PARVA: variants seen among roughly 807,000 people sequenced by gnomAD.
PARVA encodes the protein parvin alpha.
Under a neutral mutation model 52.6 loss-of-function variants are expected in PARVA, and 25 were observed. The observed-to-expected ratio is 0.48, with a 90% CI of 0.35 to 0.66. The LOEUF (loss-of-function observed/expected upper bound fraction) is 0.66, where lower values mean the gene tolerates loss of function less well. Among genes scored for constraint, PARVA ranks in the 30% least tolerant of loss-of-function variants. PARVA has a pLI of 0.01. For missense variants in PARVA, 373 were observed against 450.9 expected (o/e 0.83, Z 1.56); for synonymous variants, 185 against 179.1 (o/e 1.03, Z -0.26).
intron 1 of PARVA, among the ~76,000 whole-genome samples, chr11:12,393,411 A>G (rs996167892): frequency 6.6e-6 from 1 of 151,954 alleles, no homozygotes; most frequent in African/African-American, 2.4e-5. Flanking sequence ...AGCTGCTGTA[A>G]CAGATAAGCC....
intron 3 of PARVA, among the ~76,000 whole-genome samples, chr11:12,476,415 G>C (rs189019501): frequency 2.6e-5 from 4 of 151,944 alleles, no homozygotes; most frequent in Admixed American, 1.3e-4. Context: ...CCAGAAGTTC[G>C]AGGCTATAGT....
chr11:12,395,690 C>G (rs2134959308), intron 1 of PARVA, among the ~76,000 whole-genome samples: 1 of 152,338 alleles, frequency 6.6e-6, no homozygotes, highest in East Asian at 1.9e-4. Flanking sequence ...GCTAGTTCTC[C>G]TGAGTCCCAG....
chr11:12,395,665 C>A (rs61875441), intron 1 of PARVA, among the ~76,000 whole-genome samples: 43 of 152,106 alleles, frequency 2.8e-4, no homozygotes, highest in Non-Finnish European at 7.4e-5. Context: ...ATCAAAGACT[C>A]GGCCTCTTCC....
At chr11:12,518,174 C>G (rs1941594157) in intron 11 of PARVA, among the ~76,000 whole-genome samples, 4 of 152,200 alleles carry the variant, frequency 2.6e-5, no homozygotes, top group Admixed American at 1.3e-4. Flanking sequence ...CACTGACACC[C>G]CCAATTTGAA....
intron 1 of PARVA, among the ~76,000 whole-genome samples, chr11:12,386,769 C>T (rs1939577770): frequency 6.6e-6 from 1 of 152,210 alleles, no homozygotes; most frequent in African/African-American, 2.4e-5. Context: ...GTCCCTGCTG[C>T]ACTGGTATTC....
chr11:12,426,895 G>A (rs1219888049), intron 1 of PARVA, among the ~76,000 whole-genome samples: 3 of 152,222 alleles, frequency 2.0e-5, no homozygotes, highest in Non-Finnish European at 4.4e-5. Context: ...TGTGACTGGA[G>A]AGGAATGGAT....
intron 6 of PARVA, among the ~76,000 whole-genome samples, 189 bp from the exon 7 acceptor site, chr11:12,508,395 G>T (rs138968315): frequency 4.0e-4 from 61 of 152,260 alleles, no homozygotes; most frequent in South Asian, 2.5e-3. Flanking sequence ...TTGCACTTGC[G>T]TCCTAATGGT....
intron 1 of PARVA, among the ~76,000 whole-genome samples, chr11:12,466,547 G>T (rs200311875): frequency 6.6e-6 from 1 of 151,774 alleles, no homozygotes; most frequent in Non-Finnish European, 1.5e-5. Context: ...CTTGTGATCC[G>T]CCCGCCTCGG....
chr11:12,392,820 C>T (rs936197072), intron 1 of PARVA, among the ~76,000 whole-genome samples: 1 of 152,086 alleles, frequency 6.6e-6, no homozygotes, highest in Non-Finnish European at 1.5e-5. Context: ...AGTTATCTGA[C>T]TGTTAACCCC....
At chr11:12,452,175 G>T (rs941602686) in intron 1 of PARVA, among the ~76,000 whole-genome samples, 1 of 151,984 alleles carries the variant, frequency 6.6e-6, no homozygotes, top group Admixed American at 6.5e-5. Flanking sequence ...ACAGGTATAC[G>T]GTTCCAGGGC....
intron 4 of PARVA, 47 bp downstream of exon 4, chr11:12,477,996 G>A (rs1276026311): frequency 5.9e-6 from 6 of 1,009,154 alleles, no homozygotes; most frequent in Non-Finnish European, 8.0e-6. Context: ...ATTGCAGGTG[G>A]TTGGATCACC....
At chr11:12,486,546 A>T (rs941121974) in intron 4 of PARVA, among the ~76,000 whole-genome samples, 2 of 151,940 alleles carry the variant, frequency 1.3e-5, no homozygotes, top group Non-Finnish European at 2.9e-5. Context: ...AAATAAAAAT[A>T]AAAATAAAAT....
chr11:12,481,438 T>C (rs1235596831), intron 4 of PARVA, among the ~76,000 whole-genome samples: 6 of 152,340 alleles, frequency 3.9e-5, no homozygotes, highest in Middle Eastern at 3.4e-3. Flanking sequence ...ATTTTTTTTT[T>C]TTCTGAGCAT....
In PARVA at chr11:12,534,487, G is replaced by A. The variant is rs1941812203; in HGVS notation, c.*6562G>A. On this transcript the variant is annotated 3_prime_UTR_variant, in exon 13 of 13. Transcript: ENST00000334956. ...TACTGGCATTTGGAAGGGCACTTGG[G>A]AAATTCAGAGAAGTACCCATTATTA... Among the ~76,000 whole-genome samples the A allele has an allele frequency of 6.6e-6, 1 of 152,146 alleles. No homozygotes were observed. Among genetic ancestry groups the A allele is most frequent in the Admixed American group, 6.5e-5 (1 of 15,286 alleles).
chr11:12,448,475 A>G (rs1281228044), intron 1 of PARVA, among the ~76,000 whole-genome samples: 1 of 152,202 alleles, frequency 6.6e-6, no homozygotes, highest in East Asian at 1.9e-4. Flanking sequence ...AGCTCCAGAC[A>G]TTGGGTAAGG....
At chr11:12,425,699 T>C (rs1399343211) in intron 1 of PARVA, among the ~76,000 whole-genome samples, 1 of 152,248 alleles carries the variant, frequency 6.6e-6, no homozygotes, top group Non-Finnish European at 1.5e-5. Flanking sequence ...ATATGTCTAA[T>C]ATCCCTGTAG....
At chr11:12,506,454 G>T (rs1941432382) in intron 6 of PARVA, among the ~76,000 whole-genome samples, 1 of 152,126 alleles carries the variant, frequency 6.6e-6, no homozygotes, top group African/African-American at 2.4e-5. Context: ...AGAATAAACA[G>T]CCCTCTAACA....
chr11:12,403,934 C>G (rs998784615), intron 1 of PARVA, among the ~76,000 whole-genome samples: 3 of 152,184 alleles, frequency 2.0e-5, no homozygotes, highest in Admixed American at 6.5e-5. Flanking sequence ...GCACTATCTT[C>G]TTTGACAGAA....
Position 12,476,039 on chromosome 11 carries a change from C to T in PARVA, c.298-1808C>T, listed in dbSNP as rs760126395. Reference sequence around the variant, plus strand: ...CCCTGGGCTTGCTCCTATCAGAGGGCGCTCACCATGCTAGAATGGGTATGC... The same window carrying T: ...CCCTGGGCTTGCTCCTATCAGAGGGTGCTCACCATGCTAGAATGGGTATGC... On this transcript the variant is annotated intron_variant, in intron 3 of 12. Coordinates refer to ENST00000334956, the MANE Select transcript of PARVA (RefSeq NM_018222.5). Among the ~76,000 whole-genome samples, 10 of 152,264 alleles carry T rather than the reference C, an allele frequency of 6.6e-5. 1 individual carries two copies. The highest frequency in any genetic ancestry group is 8.8e-5 in the Non-Finnish European group (6 of 68,020).
Sources: allele counts gnomAD v4.1 joint callset (sites outside exome capture counted in the v4.1 genomes callset), GRCh38; gene constraint gnomAD v4.1.1; transcripts MANE v1.5; gene names NCBI Gene and HGNC (gene_info 2026-07-23, HGNC 2026-07-21).